The following SOX5 variants were observed in gnomAD, a reference collection of about 807,000 sequenced individuals.
SOX5 encodes the protein SRY-box transcription factor 5.
In SOX5, 9 loss-of-function variants were observed where a neutral mutation model predicts 92.0. That is an observed-to-expected ratio of 0.10 (90% CI 0.06 to 0.17). SOX5 has a LOEUF of 0.17. Among genes scored for constraint, SOX5 ranks in the 10% least tolerant of loss-of-function variants. SOX5 has a pLI of 1.00. For synonymous variants in SOX5, 344 were observed against 336.3 expected (o/e 1.02, Z -0.25); for missense variants, 642 against 944.5 (o/e 0.68, Z 4.20).
intron 3 of SOX5, among the ~76,000 whole-genome samples, chr12:23,825,094 A>T (rs1365947340): frequency 1.3e-5 from 2 of 151,880 alleles, no homozygotes; most frequent in Non-Finnish European, 2.9e-5. Flanking sequence ...TTCCAGGGGG[A>T]GTGAACGGTT....
chr12:23,648,003 TC>T lies in SOX5; in HGVS notation c.932-7107del, dbSNP rs1358559963. 6.6e-5 allele frequency among the ~76,000 whole-genome samples: 10 copies of T among 152,330 alleles called. No homozygotes were observed. In the East Asian group the frequency reaches 1.9e-3, roughly 29 times the overall value. ...GAGGCCTAGCTTTTAGCCTGCCCCA[TC>T]TTTTGACACACCTTCTTCATCAAGC... On this transcript the variant is annotated intron_variant, in intron 7 of 14. Transcript: ENST00000451604.
At chr12:23,780,149 C>T (rs1163551424) in intron 3 of SOX5, among the ~76,000 whole-genome samples, 1 of 151,798 alleles carries the variant, frequency 6.6e-6, no homozygotes, top group East Asian at 1.9e-4. Flanking sequence ...GAATACTGGA[C>T]ATTTTATGTA....
intron 8 of SOX5, among the ~76,000 whole-genome samples, chr12:23,622,506 G>A (rs570322065): frequency 3.2e-4 from 46 of 142,884 alleles, no homozygotes; most frequent in African/African-American, 9.3e-4. Flanking sequence ...AGATCTCAGC[G>A]AATTTGAAAA....
chr12:24,356,527 A>T (rs1954845369), intron 2 of SOX5, among the ~76,000 whole-genome samples: 1 of 151,858 alleles, frequency 6.6e-6, no homozygotes, highest in Non-Finnish European at 1.5e-5. Flanking sequence ...ACACTTAAAC[A>T]TTGTTTCCTG....
chr12:23,672,159 T>C (rs1234019507), intron 6 of SOX5, among the ~76,000 whole-genome samples: 12 of 152,090 alleles, frequency 7.9e-5, no homozygotes, highest in Non-Finnish European at 1.8e-4. Context: ...TTTTGTCCCA[T>C]TGCAAGTGCT....
At chr12:24,126,501 A>C in intron 4 of SOX5, among the ~76,000 whole-genome samples, 1 of 152,196 alleles carries the variant, frequency 6.6e-6, no homozygotes, top group South Asian at 2.1e-4. Flanking sequence ...CAAATAAATA[A>C]CACTGTGCTG....
At chr12:24,087,892 T>C (rs892064528) in intron 4 of SOX5, among the ~76,000 whole-genome samples, 2 of 152,050 alleles carry the variant, frequency 1.3e-5, no homozygotes, top group Non-Finnish European at 2.9e-5. Context: ...TAAAAGCATC[T>C]CTTATTTCTC....
chr12:24,288,351 C>G (rs12313029), intron 2 of SOX5, among the ~76,000 whole-genome samples: 18,280 of 152,106 alleles, frequency 0.12, 2,164 homozygotes, highest in African/African-American at 0.3. Context: ...GTTTTTGTCT[C>G]TTACTTTTGT....
chr12:24,513,719 C>T (rs952420431), intron 1 of SOX5, among the ~76,000 whole-genome samples: 1 of 152,190 alleles, frequency 6.6e-6, no homozygotes, highest in Non-Finnish European at 1.5e-5. Context: ...ATATCCCACT[C>T]ATATGCATAG....
chr12:24,553,882 T>C (rs1953476693), intron 1 of SOX5, among the ~76,000 whole-genome samples: 1 of 152,250 alleles, frequency 6.6e-6, no homozygotes, highest in African/African-American at 2.4e-5. Flanking sequence ...TTGTTTCATA[T>C]GCATGAAAAT....
At chr12:24,479,529 G>A (rs1316801164) in intron 1 of SOX5, among the ~76,000 whole-genome samples, 5 of 152,102 alleles carry the variant, frequency 3.3e-5, no homozygotes, top group Non-Finnish European at 7.4e-5. Context: ...TTCTTGAATG[G>A]TATGTGGAAT....
At chr12:23,682,053 C>G (rs1031368861) in intron 6 of SOX5, among the ~76,000 whole-genome samples, 1 of 151,602 alleles carries the variant, frequency 6.6e-6, no homozygotes, top group Non-Finnish European at 1.5e-5. Flanking sequence ...GTGATATAGG[C>G]AATTTCTACA....
intron 1 of SOX5, among the ~76,000 whole-genome samples, chr12:23,930,597 G>C (rs992971604): frequency 4.6e-5 from 7 of 151,624 alleles, no homozygotes; most frequent in African/African-American, 1.7e-4. Flanking sequence ...CATTTATTAG[G>C]TACTCAAAAG....
intron 9 of SOX5, among the ~76,000 whole-genome samples, chr12:23,602,706 G>C (rs906948596): frequency 6.6e-6 from 1 of 152,062 alleles, no homozygotes. Flanking sequence ...CACATTGTCT[G>C]TGTGTGACAA....
At chr12:24,220,187 T>C (rs1268876628) in intron 3 of SOX5, among the ~76,000 whole-genome samples, 2 of 152,020 alleles carry the variant, frequency 1.3e-5, no homozygotes, top group African/African-American at 2.4e-5. Flanking sequence ...ATAAGTGAGA[T>C]GATTTATACT....
intron 8 of SOX5, among the ~76,000 whole-genome samples, chr12:23,639,142 A>G (rs559572691): frequency 8.2e-4 from 125 of 152,210 alleles, no homozygotes; most frequent in African/African-American, 2.9e-3. Context: ...GTTCAGTGAC[A>G]AAATTGTTTA....
rs547984727 is a variant in SOX5 at position 24,227,234 on chromosome 12, G to A, written c.-76-13817C>T. ...CCAGAAAAACCTGCCAGCACCAAGA[G>A]GGTGTCCTCAACAGGCGCCTGGGGG... On this transcript the variant is annotated intron_variant, in intron 3 of 4. Coordinates refer to the SOX5 transcript ENST00000446891. The A allele has an allele frequency of 1.3e-5, 2 of 152,392 alleles. 1 individual carries two copies. Among genetic ancestry groups the A allele is most frequent in the South Asian group, 4.1e-4 (2 of 4,826 alleles). 9.4% of individuals were successfully genotyped at this position (152,392 alleles called of 1,614,324 possible).
At chr12:24,026,108 TTAAAG>T (rs1453803795) in intron 4 of SOX5, among the ~76,000 whole-genome samples, 2 of 152,058 alleles carry the variant, frequency 1.3e-5, no homozygotes, top group African/African-American at 4.8e-5. Flanking sequence ...CTCATGATGC[TTAAAG>T]TAAACACAAT....
At chr12:23,798,711 T>A (rs1172191431) in intron 3 of SOX5, among the ~76,000 whole-genome samples, 1 of 151,872 alleles carries the variant, frequency 6.6e-6, no homozygotes, top group African/African-American at 2.4e-5. Flanking sequence ...TATAACTATT[T>A]CTACTCTCAG....
Sources: allele counts gnomAD v4.1 joint callset (sites outside exome capture counted in the v4.1 genomes callset), GRCh38; gene constraint gnomAD v4.1.1; transcripts MANE v1.5; gene names NCBI Gene and HGNC (gene_info 2026-07-23, HGNC 2026-07-21).